Variants in VPS8 observed in about 807,000 individuals in gnomAD.
VPS8 encodes vacuolar protein sorting-associated protein 8 homolog.
VPS8 carries 129 observed loss-of-function variants against 216.4 expected under a neutral mutation model. The ratio of observed to expected loss-of-function variants is 0.60; its 90% confidence interval spans 0.52 to 0.69. The LOEUF is 0.69. Among genes scored for constraint, VPS8 ranks in the 30% least tolerant of loss-of-function variants. VPS8 has a pLI of 0.00. For synonymous variants in VPS8, 571 were observed against 565.4 expected (o/e 1.01, Z -0.14); for missense variants, 1,531 against 1,683.5 (o/e 0.91, Z 1.59).
chr3:184,953,206 T>C (rs1745012302), intron 36 of VPS8, among the ~76,000 whole-genome samples: 1 of 152,126 alleles, frequency 6.6e-6, no homozygotes. Context: ...GCAAGGAGAA[T>C]TGGCAGTTCA....
At chr3:184,951,536 A>G (rs6784179) in intron 36 of VPS8, among the ~76,000 whole-genome samples, 114,407 of 151,944 alleles carry the variant, frequency 0.75, 43,800 homozygotes, top group Middle Eastern at 0.81. Context: ...ATATATTTTT[A>G]GTCTTCCCTA....
intron 34 of VPS8, among the ~76,000 whole-genome samples, chr3:184,930,784 A>G (rs1469330085): frequency 6.6e-6 from 1 of 152,220 alleles, no homozygotes; most frequent in Non-Finnish European, 1.5e-5. Context: ...GCCCATGTTC[A>G]ATCAGCCAGT....
intron 36 of VPS8, among the ~76,000 whole-genome samples, chr3:184,945,712 G>A (rs749951956): frequency 4.6e-5 from 7 of 152,052 alleles, no homozygotes; most frequent in African/African-American, 7.2e-5. Flanking sequence ...CCTGCTACAC[G>A]GAAAAACCAA....
intron 46 of VPS8, among the ~76,000 whole-genome samples, chr3:185,034,375 A>G (rs112740025): frequency 7.8e-6 from 1 of 128,858 alleles, no homozygotes; most frequent in South Asian, 2.5e-4. Flanking sequence ...TTTGATTTGC[A>G]TTTCTCTGAT....
chr3:185,005,847 G>A (rs949653814), intron 45 of VPS8, among the ~76,000 whole-genome samples: 9 of 152,156 alleles, frequency 5.9e-5, no homozygotes, highest in African/African-American at 2.2e-4. Context: ...TTGGCGAACA[G>A]TGATGGTTTG....
At chr3:184,966,207 A>G (rs1747383836) in intron 38 of VPS8, among the ~76,000 whole-genome samples, 1 of 152,030 alleles carries the variant, frequency 6.6e-6, no homozygotes, top group Admixed American at 6.6e-5. Context: ...TGCTCTTTTA[A>G]ACATCCAGCT....
chr3:184,944,063 A>AC (rs1743235995), intron 36 of VPS8, among the ~76,000 whole-genome samples: 9 of 151,696 alleles, frequency 5.9e-5, no homozygotes, highest in Non-Finnish European at 1.0e-4. Context: ...ACACACACAC[A>AC]AACAAACATT....
At chr3:184,896,498 C>T (rs565827333) in intron 23 of VPS8, among the ~76,000 whole-genome samples, 6 of 152,116 alleles carry the variant, frequency 3.9e-5, no homozygotes, top group Non-Finnish European at 8.8e-5. Context: ...TTCTTGAAAG[C>T]GTTGTCTAGG....
In VPS8 at chr3:184,821,866, T is replaced by C. The variant is rs1323637607; in HGVS notation, c.-88-2679T>C. On this transcript the variant is annotated intron_variant, in intron 1 of 47. Transcript: ENST00000625842. The stretch of plus-strand genomic sequence containing the variant: ...CATTGTATAGAGAACAATGGAAATA[T>C]CTCTTCCTCATCAGTTCCATTTTAA... Among the ~76,000 whole-genome samples, 8 of 152,138 alleles carry C rather than the reference T, an allele frequency of 5.3e-5. No individual in the cohort carries two copies. The East Asian group carries it at 1.5e-3, about 29-fold the overall frequency.
At chr3:185,034,420 T>G (rs781433765) in intron 46 of VPS8, among the ~76,000 whole-genome samples, 3 of 152,236 alleles carry the variant, frequency 2.0e-5, no homozygotes, top group African/African-American at 7.2e-5. Context: ...CATATGTTTA[T>G]TGGCCACTTT....
intron 10 of VPS8, 131 bp downstream of exon 10, chr3:184,850,153 A>C: frequency 1.5e-6 from 1 of 687,658 alleles, no homozygotes; most frequent in Non-Finnish European, 2.4e-6. Flanking sequence ...ATTACCTTAT[A>C]AATAGAATCC....
At position 184,887,270 on chromosome 3, in the gene VPS8, G is replaced by A. The variant is rs533981228; in HGVS notation, c.1781+1114G>A. Among the ~76,000 whole-genome samples the A allele has an allele frequency of 3.9e-5, 6 of 152,174 alleles. No individual in the cohort carries two copies. In the South Asian group the frequency reaches 6.2e-4, roughly 16 times the overall value. ...GCTGAGGTGGGAGGATCGTTTGAGC[G>A]CAGGAAGTCAAGGCTGCAGCAAGCC... On this transcript the variant is annotated intron_variant, in intron 22 of 47. Coordinates refer to ENST00000625842, the MANE Select transcript of VPS8 (RefSeq NM_001009921.3).
intron 36 of VPS8, among the ~76,000 whole-genome samples, chr3:184,950,224 T>TTTC (rs1362599991): frequency 8.2e-6 from 1 of 121,774 alleles, no homozygotes; most frequent in Non-Finnish European, 1.7e-5. Flanking sequence ...TGCTTTTTTT[T>TTTC]TTTTTTTTTT....
chr3:185,043,765 G>T (rs74691030), intron 46 of VPS8, among the ~76,000 whole-genome samples: 7,843 of 152,230 alleles, frequency 0.052, 303 homozygotes, highest in Non-Finnish European at 0.076. Context: ...GATGAGTTTT[G>T]AAATTAAAGC....
At chr3:185,012,509 G>C (rs1755164343) in intron 45 of VPS8, among the ~76,000 whole-genome samples, 1 of 151,376 alleles carries the variant, frequency 6.6e-6, no homozygotes, top group Non-Finnish European at 1.5e-5. Context: ...TCAACCCATA[G>C]AGTCAAAAAC....
At chr3:185,026,944 C>T (rs1390321280) in intron 46 of VPS8, among the ~76,000 whole-genome samples, 3 of 151,928 alleles carry the variant, frequency 2.0e-5, no homozygotes, top group African/African-American at 7.3e-5. Context: ...CTCCTGACTT[C>T]GTGATCCACC....
intron 42 of VPS8, among the ~76,000 whole-genome samples, chr3:184,988,350 T>G (rs527418487): frequency 3.3e-5 from 5 of 152,218 alleles, no homozygotes; most frequent in Admixed American, 3.3e-4. Flanking sequence ...GGGGAAAATA[T>G]ATGGTCAGTG....
intron 2 of VPS8, 63 bp downstream of exon 2, chr3:184,824,848 TGACCCAGA>T: frequency 2.0e-6 from 3 of 1,472,382 alleles, no homozygotes; most frequent in Non-Finnish European, 9.2e-7. Context: ...GTATGCTTTG[TGACCCAGA>T]GACTCTAAGT....
intron 27 of VPS8, 65 bp downstream of exon 27, chr3:184,915,118 A>C (rs1406598092): frequency 2.6e-5 from 41 of 1,563,168 alleles, no homozygotes; most frequent in Non-Finnish European, 3.4e-5. Flanking sequence ...CTGAAGACAA[A>C]TTGCAGTTGA....
Sources: gnomAD v4.1 joint callset for allele counts (sites outside exome capture counted in the v4.1 genomes callset) on GRCh38, gnomAD v4.1.1 for gene constraint, MANE v1.5 for transcripts, NCBI Gene and HGNC (gene_info 2026-07-23, HGNC 2026-07-21) for gene names.